The following R3HCC1L variants were observed in gnomAD, a reference collection of about 807,000 sequenced individuals.
R3HCC1L encodes the protein R3H domain and coiled-coil containing 1 like.
In R3HCC1L, 51 loss-of-function variants were observed where a neutral mutation model predicts 59.9. The observed-to-expected ratio is 0.85, with a 90% CI of 0.68 to 1.07. The LOEUF (loss-of-function observed/expected upper bound fraction) is 1.07. R3HCC1L is among the 50% of genes least tolerant of loss of function. The pLI is 0.00. For missense variants in R3HCC1L, 965 were observed against 933.0 expected, an observed-to-expected ratio of 1.03 and a Z score of -0.45; for synonymous variants, 322 against 315.2, an observed-to-expected ratio of 1.02 and a Z score of -0.23.
chr10:98,141,583 A>G (rs531937207), intron 1 of R3HCC1L, among the ~76,000 whole-genome samples: 5 of 152,334 alleles, frequency 3.3e-5, no homozygotes, highest in African/African-American at 9.6e-5. Flanking sequence ...TTCTGCACAG[A>G]TGGCTTGCTT....
chr10:98,213,520 CAG>C (rs935813508), intron 5 of R3HCC1L, among the ~76,000 whole-genome samples: 1 of 152,056 alleles, frequency 6.6e-6, no homozygotes, highest in Non-Finnish European at 1.5e-5. Flanking sequence ...AGGGATAGGA[CAG>C]GGGAAAAAGA....
chr10:98,227,578 T>G (rs555129145), intron 5 of R3HCC1L, among the ~76,000 whole-genome samples: 262 of 2,190 alleles, frequency 0.12, 1 homozygote, highest in South Asian at 0.22. Flanking sequence ...CAGTGTGTGT[T>G]TTTTTTTTTT....
At chr10:98,230,174 A>G (rs986689181) in intron 5 of R3HCC1L, among the ~76,000 whole-genome samples, 6 of 152,072 alleles carry the variant, frequency 3.9e-5, no homozygotes, top group African/African-American at 1.4e-4. Flanking sequence ...TCCTCCTTGT[A>G]CCTCTGGTAG....
intron 5 of R3HCC1L, among the ~76,000 whole-genome samples, chr10:98,214,539 G>T (rs935036236): frequency 6.6e-6 from 1 of 152,090 alleles, no homozygotes; most frequent in African/African-American, 2.4e-5. Context: ...ATAGATTTTT[G>T]AAGCAACTGT....
intron 1 of R3HCC1L, among the ~76,000 whole-genome samples, chr10:98,151,985 G>T (rs1028498679): frequency 6.6e-6 from 1 of 151,862 alleles, no homozygotes; most frequent in Admixed American, 6.6e-5. Flanking sequence ...TCTTTCCACG[G>T]TCTCCCTCTG....
intron 4 of R3HCC1L, among the ~76,000 whole-genome samples, chr10:98,169,570 C>A (rs1249199830): frequency 6.6e-6 from 1 of 152,104 alleles, no homozygotes; most frequent in Non-Finnish European, 1.5e-5. Context: ...CTTGTAGGGC[C>A]TAAACTGTAA....
Position 98,236,017 on chromosome 10 carries a change from G to T in R3HCC1L, c.2129-7G>T, listed in dbSNP as rs748662757. 1 of 1,611,616 alleles carries T rather than the reference G, an allele frequency of 6.2e-7. No homozygotes were observed. Among genetic ancestry groups the T allele is most frequent in the East Asian group, 2.2e-5 (1 of 44,868 alleles). On this transcript the variant is annotated splice_region_variant and splice_polypyrimidine_tract_variant and intron_variant, in intron 8 of 9. Coordinates refer to ENST00000298999, the MANE Select transcript of R3HCC1L (RefSeq NM_001351015.2). ...TCCTTCCTACTCCCTTCCTTTCTTC[G>T]ATTCAGAGTTCCTCCAGCCAGCAAA...
At chr10:98,211,195 G>T in intron 5 of R3HCC1L, 1 of 609,152 alleles carries the variant, frequency 1.6e-6, no homozygotes. Context: ...ATTCTCAAAG[G>T]CAGTGATTTC....
At chr10:98,242,072 C>T (rs954800932) in intron 9 of R3HCC1L, among the ~76,000 whole-genome samples, 1 of 152,166 alleles carries the variant, frequency 6.6e-6, no homozygotes, top group Admixed American at 6.5e-5. Flanking sequence ...AGGCCGGGCA[C>T]AGTGGCTCAC....
chr10:98,228,540 T>G (rs1855956486), intron 5 of R3HCC1L, among the ~76,000 whole-genome samples: 1 of 152,246 alleles, frequency 6.6e-6, no homozygotes, highest in Non-Finnish European at 1.5e-5. Flanking sequence ...GGTTGCCTGT[T>G]CACTCTGATG....
chr10:98,234,378 C>G lies in R3HCC1L; in HGVS notation c.1962-68C>G, dbSNP rs141579326. 97 of 1,350,986 alleles carry G rather than the reference C, an allele frequency of 7.2e-5. 1 individual carries two copies. In the African/African-American group the frequency reaches 1.3e-3, roughly 18 times the overall value. The allele number at this position is 1,350,986 out of a possible 1,614,324, so 83.7% of individuals were successfully genotyped here. A position where few individuals can be genotyped will look rare whatever the true frequency, so the allele number is the denominator to read the frequency against. Reference sequence around the variant, plus strand: ...ATCTTGTGAAATGCTTTATGAGATTCTATTTGTGAGATGTTTCATAAAAGT... The same window carrying G: ...ATCTTGTGAAATGCTTTATGAGATTGTATTTGTGAGATGTTTCATAAAAGT... On this transcript the variant is annotated intron_variant, in intron 6 of 9. Transcript: ENST00000298999.
intron 1 of R3HCC1L, among the ~76,000 whole-genome samples, chr10:98,137,618 AT>A (rs1844727221): frequency 6.6e-6 from 1 of 152,158 alleles, no homozygotes; most frequent in Non-Finnish European, 1.5e-5. Context: ...TTATATAAAA[AT>A]TATATTAGAT....
chr10:98,214,627 T>A (rs775717274), intron 5 of R3HCC1L, among the ~76,000 whole-genome samples: 2 of 152,186 alleles, frequency 1.3e-5, no homozygotes, highest in Non-Finnish European at 2.9e-5. Context: ...TCATTTAAAT[T>A]TGTTTTACCT....
chr10:98,188,334 C>T (rs1242908059), intron 4 of R3HCC1L, among the ~76,000 whole-genome samples: 4 of 152,146 alleles, frequency 2.6e-5, no homozygotes. Context: ...GCAGAATACC[C>T]AGCCCGCATT....
At chr10:98,228,660 T>C (rs1855972305) in intron 5 of R3HCC1L, among the ~76,000 whole-genome samples, 1 of 152,234 alleles carries the variant, frequency 6.6e-6, no homozygotes. Flanking sequence ...TCCTTGCCCA[T>C]GCCTGTGTCC....
intron 4 of R3HCC1L, among the ~76,000 whole-genome samples, chr10:98,173,266 C>T (rs192943373): frequency 1.2e-3 from 179 of 152,234 alleles, no homozygotes; most frequent in African/African-American, 4.0e-3. Flanking sequence ...AACATTGAGC[C>T]TTCTGAGAGA....
At chr10:98,149,034 A>C (rs1845910472) in intron 1 of R3HCC1L, among the ~76,000 whole-genome samples, 1 of 152,176 alleles carries the variant, frequency 6.6e-6, no homozygotes, top group African/African-American at 2.4e-5. Context: ...TTACGGCTTC[A>C]ATCTGGCTAT....
At chr10:98,221,985 T>A (rs977315130) in intron 5 of R3HCC1L, among the ~76,000 whole-genome samples, 12 of 152,200 alleles carry the variant, frequency 7.9e-5, no homozygotes, top group South Asian at 2.1e-4. Context: ...AGCCATTTTC[T>A]CGATATTGAT....
chr10:98,217,262 A>C (rs1400537650), intron 5 of R3HCC1L, among the ~76,000 whole-genome samples: 1 of 152,220 alleles, frequency 6.6e-6, no homozygotes, highest in South Asian at 2.1e-4. Flanking sequence ...TTTCAGCACC[A>C]TTTATTGAAG....
Sources: allele counts gnomAD v4.1 joint callset (sites outside exome capture counted in the v4.1 genomes callset), GRCh38; gene constraint gnomAD v4.1.1; transcripts MANE v1.5; gene names NCBI Gene and HGNC (gene_info 2026-07-23, HGNC 2026-07-21).